DYNLRB1: variants seen among roughly 807,000 people sequenced by gnomAD.
The protein encoded by DYNLRB1 is ROBL/LC7-like 1.
A neutral mutation model predicts 13.5 loss-of-function variants in DYNLRB1; 6 were observed. The observed-to-expected ratio is 0.44, with a 90% CI of 0.24 to 0.88. The LOEUF is 0.88. Ranked by LOEUF, DYNLRB1 falls within the 40% of genes least tolerant of loss-of-function variation. The pLI, the probability that DYNLRB1 is intolerant of heterozygous loss-of-function variation, is 0.21. For synonymous variants in DYNLRB1, 43 were observed against 45.0 expected (o/e 0.96, Z 0.18); for missense variants, 93 against 127.2 (o/e 0.73, Z 1.29).
intron 3 of DYNLRB1, chr20:34,535,215 G>C (rs1981047562): frequency 1.0e-6 from 1 of 985,300 alleles, no homozygotes; most frequent in African/African-American, 1.7e-5. Context: ...GGAAAGCCAC[G>C]TTTGGAAGAA....
In DYNLRB1 at chr20:34,516,428, T is replaced by A. The variant is rs747816784; in HGVS notation, c.-31T>A. ...GAAAGGCACAGGACTCGCTAAGTGT[T>A]CGCTACGCGGGGCTACCGGATCGGT... On this transcript the variant is annotated 5_prime_UTR_variant, in exon 1 of 4. Transcript: ENST00000357156. The A allele has an allele frequency of 6.8e-6, 11 of 1,612,542 alleles. No homozygotes were observed. The highest frequency in any genetic ancestry group is 9.3e-6 in the Non-Finnish European group (11 of 1,179,194).
intron 1 of DYNLRB1, 66 bp from the exon 2 acceptor site, chr20:34,526,202 C>T (rs1477268076): frequency 6.5e-7 from 1 of 1,545,848 alleles, no homozygotes; most frequent in South Asian, 1.1e-5. Context: ...GATTCATCTG[C>T]CTGGGGTATG....
intron 3 of DYNLRB1, chr20:34,535,315 G>A: frequency 1.0e-6 from 1 of 985,472 alleles, no homozygotes; most frequent in Non-Finnish European, 1.2e-6. Flanking sequence ...GTAAAGGCCA[G>A]GCCTGTCTTT....
intron 1 of DYNLRB1, among the ~76,000 whole-genome samples, chr20:34,519,679 G>A (rs1979555177): frequency 6.6e-6 from 1 of 152,106 alleles, no homozygotes; most frequent in Non-Finnish European, 1.5e-5. Context: ...CATTTAGGTG[G>A]TGTATAGTTT....
intron 3 of DYNLRB1, among the ~76,000 whole-genome samples, chr20:34,540,315 T>C (rs1370898400): frequency 6.6e-6 from 1 of 152,182 alleles, no homozygotes; most frequent in Non-Finnish European, 1.5e-5. Flanking sequence ...CTGCTGCCAC[T>C]GTCGTGGGGA....
At chr20:34,529,162 G>A (rs1345585704) in intron 2 of DYNLRB1, among the ~76,000 whole-genome samples, 2 of 152,166 alleles carry the variant, frequency 1.3e-5, no homozygotes, top group East Asian at 3.9e-4. Context: ...GTGTTTCTTG[G>A]CTGCCTCGTA....
At chr20:34,524,591 G>T (rs1235644508) in intron 1 of DYNLRB1, among the ~76,000 whole-genome samples, 1 of 152,132 alleles carries the variant, frequency 6.6e-6, no homozygotes, top group Non-Finnish European at 1.5e-5. Context: ...CATACAGTAG[G>T]AGCTCAGTGA....
At chr20:34,533,178 C>G (rs1019730330) in intron 2 of DYNLRB1, among the ~76,000 whole-genome samples, 8 of 152,186 alleles carry the variant, frequency 5.3e-5, no homozygotes, top group African/African-American at 7.2e-5. Context: ...CTTAATGGTT[C>G]ATCTCAAGGA....
chr20:34,523,224 G>A (rs926578972), intron 1 of DYNLRB1, among the ~76,000 whole-genome samples: 2 of 152,138 alleles, frequency 1.3e-5, no homozygotes, highest in African/African-American at 4.8e-5. Context: ...CCTTCAGACC[G>A]AGAGCAGCAC....
chr20:34,529,940 T>G, intron 2 of DYNLRB1: 1 of 1,446,998 alleles, frequency 6.9e-7, no homozygotes. Context: ...CTGAGGCAAC[T>G]CCTTTCCCCG....
chr20:34,520,266 T>G (rs1979607304), intron 1 of DYNLRB1, among the ~76,000 whole-genome samples: 1 of 152,242 alleles, frequency 6.6e-6, no homozygotes. Flanking sequence ...AGATAATGCA[T>G]GCTGAGTTTT....
In DYNLRB1 at chr20:34,534,622, C is replaced by T. The variant is rs765180198; in HGVS notation, c.80-6C>T. On this transcript the variant is annotated splice_region_variant and splice_polypyrimidine_tract_variant and intron_variant, in intron 2 of 3. Transcript: ENST00000357156. ...TCCTCTCAGTCTCCGTCTGCTCTCC[C>T]CTCAGGCATTCCCATCAAGAGCACC... The T allele has an allele frequency of 5.1e-6, 8 of 1,559,512 alleles. No individual in the cohort carries two copies. Among genetic ancestry groups the T allele is most frequent in the Non-Finnish European group, 6.9e-6 (8 of 1,152,372 alleles).
chr20:34,516,629 A>C, intron 1 of DYNLRB1, 168 bp downstream of exon 1: 1 of 1,485,640 alleles, frequency 6.7e-7, no homozygotes, highest in Non-Finnish European at 8.9e-7. Context: ...CCGGCGGCGG[A>C]GGCCTCTAAA....
chr20:34,540,507 G>A (rs982142173), intron 3 of DYNLRB1, 74 bp from the exon 4 acceptor site: 6 of 1,396,280 alleles, frequency 4.3e-6, no homozygotes, highest in Admixed American at 3.9e-5. Flanking sequence ...GTGATTTAAT[G>A]GTTTATTTGC....
intron 1 of DYNLRB1, among the ~76,000 whole-genome samples, chr20:34,518,787 A>T (rs371505113): frequency 6.6e-6 from 1 of 151,852 alleles, no homozygotes; most frequent in Non-Finnish European, 1.5e-5. Context: ...AAGCACTTAT[A>T]TGGCCCCCCT....
intron 1 of DYNLRB1, 185 bp downstream of exon 1, chr20:34,516,646 C>T (rs537545407): frequency 4.7e-6 from 7 of 1,476,416 alleles, no homozygotes; most frequent in South Asian, 1.4e-5. Flanking sequence ...TAAAGCCTGA[C>T]CGAGGCGGGG....
intron 3 of DYNLRB1, chr20:34,535,331 C>T: frequency 1.0e-6 from 1 of 985,424 alleles, no homozygotes; most frequent in Non-Finnish European, 1.2e-6. Context: ...TCTTTAGGCC[C>T]CTTACAGCCA....
intron 3 of DYNLRB1, among the ~76,000 whole-genome samples, chr20:34,538,038 A>G (rs1600555379): frequency 9.1e-6 from 1 of 109,810 alleles, no homozygotes; most frequent in South Asian, 3.5e-4. Context: ...CCCAGGCTGG[A>G]GTGCAGTGGT....
At chr20:34,516,050 G>A (rs554185309), upstream of DYNLRB1, among the ~76,000 whole-genome samples, 149 of 152,170 alleles carry the variant, frequency 9.8e-4, 3 homozygotes, top group South Asian at 0.03. Flanking sequence ...GCGCCACCAC[G>A]CCCGGCTAAT....
Sources: gnomAD v4.1 joint callset for allele counts (sites outside exome capture counted in the v4.1 genomes callset) on GRCh38, gnomAD v4.1.1 for gene constraint, MANE v1.5 for transcripts, NCBI Gene and HGNC (gene_info 2026-07-23, HGNC 2026-07-21) for gene names.